The following BCL2L1 variants were observed in gnomAD, a reference collection of about 807,000 sequenced individuals.
BCL2L1 encodes bcl-2-like protein 1.
A neutral mutation model predicts 18.7 loss-of-function variants in BCL2L1; 1 was observed. That is an observed-to-expected ratio of 0.05 (90% CI 0.02 to 0.25). The LOEUF (loss-of-function observed/expected upper bound fraction) is 0.25, where lower values mean the gene tolerates loss of function less well. Ranked by LOEUF, BCL2L1 falls within the 10% of genes least tolerant of loss-of-function variation. The probability of loss-of-function intolerance (pLI) is 1.00; values close to 1 mark genes in which losing one functional copy is unlikely to be tolerated. For synonymous variants in BCL2L1, 103 were observed against 122.7 expected, an observed-to-expected ratio of 0.84 and a Z score of 1.06; for missense variants, 207 against 304.9, an observed-to-expected ratio of 0.68 and a Z score of 2.39.
intron 2 of BCL2L1, among the ~76,000 whole-genome samples, chr20:31,674,746 G>A (rs990067199): frequency 4.6e-5 from 7 of 151,930 alleles, no homozygotes; most frequent in African/African-American, 1.7e-4. Flanking sequence ...GTGTTGGCAT[G>A]CACCTATAGT....
chr20:31,721,370 A>C (rs1327106883), intron 2 of BCL2L1: 1 of 427,342 alleles, frequency 2.3e-6, no homozygotes, highest in Non-Finnish European at 4.2e-6. Context: ...GACTTAATGA[A>C]CACATAGGCT....
chr20:31,699,904 C>T (rs190026656), intron 2 of BCL2L1, among the ~76,000 whole-genome samples: 3 of 152,286 alleles, frequency 2.0e-5, no homozygotes, highest in Admixed American at 6.5e-5. Context: ...TGGATCTCTG[C>T]AGAGGAGATT....
chr20:31,718,655 C>CA (rs969020819), intron 2 of BCL2L1, among the ~76,000 whole-genome samples: 3,926 of 65,558 alleles, frequency 0.06, 58 homozygotes, highest in Non-Finnish European at 0.075. Context: ...GACTCCGTCT[C>CA]AAAAAAAAAA....
At chr20:31,719,511 G>A (rs1053937850) in intron 2 of BCL2L1, among the ~76,000 whole-genome samples, 1 of 152,082 alleles carries the variant, frequency 6.6e-6, no homozygotes, top group African/African-American at 2.4e-5. Flanking sequence ...CTGGCCTTAG[G>A]GAGAGAATGT....
At chr20:31,673,762 T>C (rs1019072425) in intron 2 of BCL2L1, among the ~76,000 whole-genome samples, 1 of 152,256 alleles carries the variant, frequency 6.6e-6, no homozygotes, top group African/African-American at 2.4e-5. Flanking sequence ...TAAAGCAGTC[T>C]ATGCACACTA....
chr20:31,674,064 C>T (rs964837594), intron 2 of BCL2L1, among the ~76,000 whole-genome samples: 2 of 152,194 alleles, frequency 1.3e-5, no homozygotes, highest in African/African-American at 4.8e-5. Flanking sequence ...AGAGTAGGAT[C>T]TGTCTGAGTT....
intron 2 of BCL2L1, among the ~76,000 whole-genome samples, chr20:31,678,231 C>T (rs1265584434): frequency 6.6e-6 from 1 of 152,138 alleles, no homozygotes; most frequent in Non-Finnish European, 1.5e-5. Context: ...TTCCTCCTCT[C>T]CACCCAAAGC....
At chr20:31,672,301 C>T (rs770524307) in intron 2 of BCL2L1, among the ~76,000 whole-genome samples, 1 of 151,662 alleles carries the variant, frequency 6.6e-6, no homozygotes, top group Non-Finnish European at 1.5e-5. Flanking sequence ...CCTGTCTCTA[C>T]CAAAAATACA....
chr20:31,708,305 A>T lies in BCL2L1; in HGVS notation c.564+13350T>A, dbSNP rs140898303. ...ACACAAGGGAAGAAGCAGCAGCCTTACTGGCTCTTTCCTCCCCTGGGCAAG... is the reference window on the plus strand; with the variant it reads ...ACACAAGGGAAGAAGCAGCAGCCTTTCTGGCTCTTTCCTCCCCTGGGCAAG... On this transcript the variant is annotated intron_variant, in intron 2 of 2. Transcript: ENST00000307677. 2.1e-3 allele frequency among the ~76,000 whole-genome samples: 315 copies of T among 152,294 alleles called. 2 individuals carry two copies. The highest frequency in any genetic ancestry group is 2.1e-3 in the Non-Finnish European group (140 of 68,022).
At chr20:31,718,143 A>G (rs1325936316) in intron 2 of BCL2L1, among the ~76,000 whole-genome samples, 1 of 152,104 alleles carries the variant, frequency 6.6e-6, no homozygotes, top group Admixed American at 6.5e-5. Context: ...TCATTATTCC[A>G]TTTTACAGGC....
intron 2 of BCL2L1, among the ~76,000 whole-genome samples, chr20:31,700,986 C>T (rs1212740870): frequency 6.6e-6 from 1 of 152,124 alleles, no homozygotes; most frequent in African/African-American, 2.4e-5. Flanking sequence ...GCTGATGAGG[C>T]AGGAAGGGAG....
chr20:31,670,424 G>C (rs2060649537), intron 2 of BCL2L1, among the ~76,000 whole-genome samples: 1 of 152,290 alleles, frequency 6.6e-6, no homozygotes, highest in Admixed American at 6.5e-5. Context: ...AATGGGAGAG[G>C]CCTGGCTCCC....
chr20:31,720,239 C>T (rs1245655157), intron 2 of BCL2L1: 2 of 813,514 alleles, frequency 2.5e-6, no homozygotes, highest in African/African-American at 3.7e-5. Flanking sequence ...GGGTGGGGTT[C>T]CAGGGCAAAC....
chr20:31,688,675 C>T (rs151043840), intron 2 of BCL2L1, among the ~76,000 whole-genome samples: 6 of 152,228 alleles, frequency 3.9e-5, no homozygotes, highest in Middle Eastern at 3.4e-3. Context: ...TCATCCCCCC[C>T]AGATATACTG....
At chr20:31,685,732 T>C (rs951461422) in intron 2 of BCL2L1, among the ~76,000 whole-genome samples, 2 of 151,388 alleles carry the variant, frequency 1.3e-5, no homozygotes, top group African/African-American at 2.4e-5. Context: ...CTCCGGGCCC[T>C]TTTTTTTTCC....
At chr20:31,712,796 G>A (rs1177106988) in intron 2 of BCL2L1, among the ~76,000 whole-genome samples, 1 of 152,082 alleles carries the variant, frequency 6.6e-6, no homozygotes, top group Admixed American at 6.6e-5. Context: ...CCAGGGAGGA[G>A]GGAGGGGAAT....
chr20:31,702,009 TC>T (rs1220827175), intron 2 of BCL2L1, among the ~76,000 whole-genome samples: 1 of 152,148 alleles, frequency 6.6e-6, no homozygotes, highest in Non-Finnish European at 1.5e-5. Flanking sequence ...AAAAGAAAAT[TC>T]CAGGTAGAGG....
chr20:31,667,569 C>T (rs975253479), intron 2 of BCL2L1, among the ~76,000 whole-genome samples: 5 of 151,586 alleles, frequency 3.3e-5, no homozygotes, highest in African/African-American at 4.9e-5. Context: ...CTCTGCCACA[C>T]TGGGCCTACA....
At chr20:31,687,994 T>C (rs2122591930) in intron 2 of BCL2L1, among the ~76,000 whole-genome samples, 1 of 152,298 alleles carries the variant, frequency 6.6e-6, no homozygotes, top group South Asian at 2.1e-4. Context: ...ATTTAACCCT[T>C]CTGAGCTTCA....
Sources: gnomAD v4.1 joint callset for allele counts (sites outside exome capture counted in the v4.1 genomes callset) on GRCh38, gnomAD v4.1.1 for gene constraint, MANE v1.5 for transcripts, NCBI Gene and HGNC (gene_info 2026-07-23, HGNC 2026-07-21) for gene names.